Variants in TSHZ1 observed in about 807,000 individuals in gnomAD.
The protein encoded by TSHZ1 is teashirt homolog 1.
A neutral mutation model predicts 67.1 loss-of-function variants in TSHZ1; 12 were observed. The observed-to-expected ratio is 0.18, with a 90% CI of 0.11 to 0.29. The LOEUF (loss-of-function observed/expected upper bound fraction) is 0.29, where lower values mean the gene tolerates loss of function less well. Among genes scored for constraint, TSHZ1 ranks in the 10% least tolerant of loss-of-function variants. TSHZ1 has a pLI of 1.00. For synonymous variants in TSHZ1, 632 were observed against 622.4 expected (o/e 1.02, Z -0.23); for missense variants, 1,305 against 1,413.9 (o/e 0.92, Z 1.23).
intron 1 of TSHZ1, among the ~76,000 whole-genome samples, chr18:75,243,146 C>G (rs976533326): frequency 1.3e-5 from 2 of 152,102 alleles, no homozygotes; most frequent in Admixed American, 6.5e-5. Context: ...TGAGGCCAGT[C>G]AGGGACAAGA....
chr18:75,231,402 A>G (rs550109642), intron 1 of TSHZ1, among the ~76,000 whole-genome samples: 7 of 152,288 alleles, frequency 4.6e-5, no homozygotes, highest in African/African-American at 7.2e-5. Context: ...TTCTCCCCAG[A>G]TCTTTGTATT....
chr18:75,211,554 C>A lies in TSHZ1; in HGVS notation c.-323C>A, dbSNP rs2022688391. Reference sequence around the variant, plus strand: ...GCATGGAGCGCGGGCCGCGGGCCGGCCCGCCGAGCGCCCGCTGCTGCGCCC... The same window carrying A: ...GCATGGAGCGCGGGCCGCGGGCCGGACCGCCGAGCGCCCGCTGCTGCGCCC... On this transcript the variant is annotated 5_prime_UTR_variant, in exon 1 of 2. Transcript: ENST00000580243. 8 of 143,904 alleles carry A rather than the reference C, an allele frequency of 5.6e-5. No individual in the cohort carries two copies. In the South Asian group the frequency reaches 1.7e-3, roughly 31 times the overall value. 8.9% of individuals were successfully genotyped at this position (143,904 alleles called of 1,614,324 possible).
At chr18:75,280,694 G>C (rs2122611984) in intron 1 of TSHZ1, 1 of 965,444 alleles carries the variant, frequency 1.0e-6, no homozygotes, top group South Asian at 4.8e-5. Context: ...TGATAACTTA[G>C]CTTAAAGGGT....
intron 1 of TSHZ1, among the ~76,000 whole-genome samples, chr18:75,237,556 G>A (rs1409214213): frequency 6.6e-6 from 1 of 151,976 alleles, no homozygotes; most frequent in Non-Finnish European, 1.5e-5. Context: ...TATCTTACAT[G>A]CATGCATATA....
intron 1 of TSHZ1, among the ~76,000 whole-genome samples, chr18:75,267,723 C>A (rs145426258): frequency 6.6e-6 from 1 of 152,314 alleles, no homozygotes; most frequent in Non-Finnish European, 1.5e-5. Flanking sequence ...TCAGTTCTGA[C>A]ACATGCTTGA....
At chr18:75,256,560 A>G (rs745940778) in intron 1 of TSHZ1, among the ~76,000 whole-genome samples, 2 of 152,218 alleles carry the variant, frequency 1.3e-5, no homozygotes, top group South Asian at 4.1e-4. Context: ...CTTAATATCT[A>G]TGTGTTAGTG....
intron 1 of TSHZ1, among the ~76,000 whole-genome samples, chr18:75,238,044 G>A (rs929630765): frequency 1.7e-4 from 26 of 152,190 alleles, no homozygotes; most frequent in Middle Eastern, 3.4e-3. Flanking sequence ...CAGGTGATCC[G>A]CCCACCTTGG....
At position 75,253,518 on chromosome 18, in the gene TSHZ1, CAGCGG is replaced by C. The variant is rs752613332; in HGVS notation, c.41-31927_41-31923del. 3.3e-5 allele frequency among the ~76,000 whole-genome samples: 5 copies of C among 152,214 alleles called. No homozygotes were observed. In the South Asian group the frequency reaches 8.3e-4, roughly 25 times the overall value. On this transcript the variant is annotated intron_variant, in intron 1 of 1. Transcript: ENST00000580243. ...CAGCAGCATGGGAACTCCCGCTCTT[CAGCGG>C]AGGTTTGGGAAGCAGAAATTTTACT...
chr18:75,256,120 A>G (rs1451662284), intron 1 of TSHZ1, among the ~76,000 whole-genome samples: 1 of 152,248 alleles, frequency 6.6e-6, no homozygotes, highest in East Asian at 1.9e-4. Context: ...CAATTTTTCA[A>G]AGAAGATCTA....
intron 1 of TSHZ1, among the ~76,000 whole-genome samples, chr18:75,222,789 T>C (rs1324256115): frequency 1.3e-5 from 2 of 152,212 alleles, no homozygotes; most frequent in Non-Finnish European, 2.9e-5. Flanking sequence ...CGTGGTAACC[T>C]AATCCCAAGG....
At chr18:75,220,067 T>C (rs576817551) in intron 1 of TSHZ1, among the ~76,000 whole-genome samples, 1 of 152,292 alleles carries the variant, frequency 6.6e-6, no homozygotes, top group African/African-American at 2.4e-5. Context: ...AAGAGGAGTT[T>C]TGTTACATTT....
intron 1 of TSHZ1, chr18:75,283,582 A>G (rs4891258): frequency 0.27 from 40,984 of 152,104 alleles, 6,099 homozygotes; most frequent in Middle Eastern, 0.36. Flanking sequence ...GCTTTTCCAC[A>G]TACCTCCATG....
rs775552360 is a variant in TSHZ1, at chr18:75,228,835, G to T, written c.40+16919G>T. Among the ~76,000 whole-genome samples, 3 of 152,158 alleles carry T rather than the reference G, an allele frequency of 2.0e-5. No homozygotes were observed. The South Asian group carries it at 6.2e-4, about 32-fold the overall frequency. Reference sequence around the variant, plus strand: ...CATTTGTCCTTTCTTCCAGGAGCACGGATCCCAGCATCTAGGCATTCACTC... The same window carrying T: ...CATTTGTCCTTTCTTCCAGGAGCACTGATCCCAGCATCTAGGCATTCACTC... On this transcript the variant is annotated intron_variant, in intron 1 of 1. Transcript: ENST00000580243.
intron 1 of TSHZ1, among the ~76,000 whole-genome samples, chr18:75,261,707 C>T (rs2023432842): frequency 6.6e-6 from 1 of 152,250 alleles, no homozygotes; most frequent in Non-Finnish European, 1.5e-5. Context: ...AGTCACAGTG[C>T]ACTTCTAAGA....
At chr18:75,273,863 T>G (rs2023584979) in intron 1 of TSHZ1, among the ~76,000 whole-genome samples, 2 of 152,236 alleles carry the variant, frequency 1.3e-5, no homozygotes, top group Admixed American at 1.3e-4. Flanking sequence ...ATTTCCATTT[T>G]GGGAATGGTA....
At chr18:75,222,823 A>C in intron 1 of TSHZ1, among the ~76,000 whole-genome samples, 1 of 152,170 alleles carries the variant, frequency 6.6e-6, no homozygotes, top group East Asian at 1.9e-4. Flanking sequence ...TTCTGAAAGT[A>C]GGATCTTGTT....
intron 1 of TSHZ1, among the ~76,000 whole-genome samples, chr18:75,272,691 A>C (rs974551879): frequency 1.3e-5 from 2 of 152,224 alleles, no homozygotes; most frequent in Non-Finnish European, 2.9e-5. Context: ...TCTAGAGAGA[A>C]TATCAGGTCA....
intron 1 of TSHZ1, among the ~76,000 whole-genome samples, chr18:75,262,340 C>T (rs1340896255): frequency 6.6e-6 from 1 of 152,162 alleles, no homozygotes. Flanking sequence ...TACTACATGA[C>T]ACTGAGTCAT....
At chr18:75,253,201 G>A (rs2023324839) in intron 1 of TSHZ1, among the ~76,000 whole-genome samples, 1 of 152,158 alleles carries the variant, frequency 6.6e-6, no homozygotes, top group Non-Finnish European at 1.5e-5. Flanking sequence ...TTAACTGGTT[G>A]TGTATTGAGA....
Sources: allele counts gnomAD v4.1 joint callset (sites outside exome capture counted in the v4.1 genomes callset), GRCh38; gene constraint gnomAD v4.1.1; transcripts MANE v1.5; gene names NCBI Gene and HGNC (gene_info 2026-07-23, HGNC 2026-07-21).